The following IL1RAPL1 variants were observed in gnomAD, a reference collection of about 807,000 sequenced individuals.
IL1RAPL1 encodes interleukin-1 receptor accessory protein-like 1.
In IL1RAPL1, 3 loss-of-function variants were observed where a neutral mutation model predicts 48.4. That is an observed-to-expected ratio of 0.06 (90% CI 0.03 to 0.16). The LOEUF (loss-of-function observed/expected upper bound fraction) is 0.16, where lower values mean the gene tolerates loss of function less well. Among genes scored for constraint, IL1RAPL1 ranks in the 10% least tolerant of loss-of-function variants. IL1RAPL1 has a pLI of 1.00. For synonymous variants in IL1RAPL1, 185 were observed against 187.7 expected, an observed-to-expected ratio of 0.99 and a Z score of 0.12; for missense variants, 349 against 530.6, an observed-to-expected ratio of 0.66 and a Z score of 3.36.
At chrX:29,093,086 A>G (rs1234821281) in intron 2 of IL1RAPL1, among the ~76,000 whole-genome samples, 1 of 112,275 alleles carries the variant, frequency 8.9e-6, no homozygotes, top group Non-Finnish European at 1.9e-5. Context: ...AATTTTCATT[A>G]AAATATGACT....
intron 5 of IL1RAPL1, among the ~76,000 whole-genome samples, chrX:29,518,587 A>AAGTGC (rs1935471692): frequency 1.8e-5 from 2 of 111,700 alleles, no homozygotes; most frequent in African/African-American, 6.5e-5. Context: ...AGGTCAATGA[A>AAGTGC]ACCAGCCAGT....
chrX:29,649,903 C>T (rs985780408), intron 5 of IL1RAPL1, among the ~76,000 whole-genome samples: 1 of 111,575 alleles, frequency 9.0e-6, no homozygotes, highest in Non-Finnish European at 1.9e-5. Flanking sequence ...TAAACAAGTT[C>T]AGTAAAGTGG....
intron 6 of IL1RAPL1, among the ~76,000 whole-genome samples, chrX:29,718,849 G>T (rs1927556056): frequency 9.0e-6 from 1 of 111,452 alleles, no homozygotes; most frequent in Non-Finnish European, 1.9e-5. Flanking sequence ...AAAGGCAGAG[G>T]AGGGGAGAAG....
intron 2 of IL1RAPL1, among the ~76,000 whole-genome samples, chrX:29,114,389 G>A (rs1928634709): frequency 8.9e-6 from 1 of 111,976 alleles, no homozygotes; most frequent in Admixed American, 9.5e-5. Flanking sequence ...TAGCTTTCAA[G>A]TTTATGGGCA....
intron 3 of IL1RAPL1, among the ~76,000 whole-genome samples, chrX:29,337,082 A>G (rs1403733099): frequency 9.0e-6 from 1 of 111,304 alleles, no homozygotes; most frequent in Non-Finnish European, 1.9e-5. Flanking sequence ...TCAGCATACA[A>G]AGGTGCCATA....
intron 3 of IL1RAPL1, among the ~76,000 whole-genome samples, chrX:29,309,344 C>A (rs1932672720): frequency 9.0e-6 from 1 of 111,067 alleles, no homozygotes. Flanking sequence ...CAAAATTAGG[C>A]TCCTACCCTC....
At chrX:28,604,759 C>T (rs953619275) in intron 1 of IL1RAPL1, among the ~76,000 whole-genome samples, 36 of 107,127 alleles carry the variant, frequency 3.4e-4, no homozygotes, top group African/African-American at 1.2e-3. Context: ...TTAAGCATAT[C>T]GTGCAGTGCT....
At chrX:28,936,090 C>T (rs1262088270) in intron 2 of IL1RAPL1, among the ~76,000 whole-genome samples, 4 of 111,526 alleles carry the variant, frequency 3.6e-5, no homozygotes, top group Non-Finnish European at 7.5e-5. Flanking sequence ...ACCACTGAGC[C>T]ACAGCCTCTT....
chrX:29,875,059 T>C (rs1023162412), intron 6 of IL1RAPL1, among the ~76,000 whole-genome samples: 1 of 111,941 alleles, frequency 8.9e-6, no homozygotes, highest in Admixed American at 9.5e-5. Flanking sequence ...CATACATATA[T>C]ACACACAGTT....
At position 28,842,292 on chromosome X, in the gene IL1RAPL1, AT is replaced by A. The variant is rs201710134; in HGVS notation, c.82+52868del. On this transcript the variant is annotated intron_variant, in intron 2 of 10. Coordinates refer to ENST00000378993, the MANE Select transcript of IL1RAPL1 (RefSeq NM_014271.4). ...TTACGATATAAATTTCAAAAAAAAA[AT>A]AGTTTTAAAATATGGCTATGTAAAA... 1.2e-4 allele frequency among the ~76,000 whole-genome samples: 13 copies of A among 111,132 alleles called. No homozygotes were observed. The East Asian group carries it at 2.3e-3, about 19-fold the overall frequency.
chrX:29,255,897 C>T (rs1048748595), intron 2 of IL1RAPL1, among the ~76,000 whole-genome samples: 6 of 111,465 alleles, frequency 5.4e-5, no homozygotes, highest in Admixed American at 3.8e-4. Context: ...TCTGCTATCA[C>T]GAACAGTGCT....
chrX:29,284,606 A>T (rs968348690), intron 3 of IL1RAPL1, among the ~76,000 whole-genome samples: 2 of 111,349 alleles, frequency 1.8e-5, no homozygotes, highest in African/African-American at 3.3e-5. Flanking sequence ...TTAGCCGAGG[A>T]TGGTGGCACG....
At chrX:28,689,893 T>G in intron 1 of IL1RAPL1, among the ~76,000 whole-genome samples, 1 of 112,032 alleles carries the variant, frequency 8.9e-6, no homozygotes, top group South Asian at 3.8e-4. Flanking sequence ...AATTAATTTT[T>G]CTGTCAAAAA....
At chrX:29,513,668 T>C (rs747478074) in intron 5 of IL1RAPL1, among the ~76,000 whole-genome samples, 1 of 112,220 alleles carries the variant, frequency 8.9e-6, no homozygotes, top group South Asian at 3.6e-4. Flanking sequence ...TGGAAACTTG[T>C]AGATGCCTGC....
At chrX:29,063,449 C>T (rs1170975989) in intron 2 of IL1RAPL1, among the ~76,000 whole-genome samples, 1 of 111,619 alleles carries the variant, frequency 9.0e-6, no homozygotes, top group Non-Finnish European at 1.9e-5. Flanking sequence ...GCTATCTGAG[C>T]ATACAATAGG....
At chrX:29,620,834 C>T (rs1032568873) in intron 5 of IL1RAPL1, among the ~76,000 whole-genome samples, 4 of 112,340 alleles carry the variant, frequency 3.6e-5, no homozygotes, top group African/African-American at 6.5e-5. Flanking sequence ...GACTTACTTA[C>T]GTCAGTCTTT....
At chrX:28,965,003 T>C (rs1187038803) in intron 2 of IL1RAPL1, among the ~76,000 whole-genome samples, 1 of 111,484 alleles carries the variant, frequency 9.0e-6, no homozygotes, top group East Asian at 2.8e-4. Flanking sequence ...TCTCCACTTG[T>C]GTAGAATTGT....
intron 2 of IL1RAPL1, among the ~76,000 whole-genome samples, chrX:28,831,554 T>C (rs1303845174): frequency 9.1e-6 from 1 of 109,959 alleles, no homozygotes; most frequent in African/African-American, 3.3e-5. Flanking sequence ...CTTTATTGGC[T>C]CCTAGGCTAT....
intron 2 of IL1RAPL1, among the ~76,000 whole-genome samples, chrX:28,990,958 T>C (rs747699560): frequency 9.8e-5 from 11 of 112,094 alleles, no homozygotes; most frequent in Non-Finnish European, 2.1e-4. Context: ...TTTGGAAAAG[T>C]AGATGACTAA....
Sources: gnomAD v4.1 joint callset for allele counts (sites outside exome capture counted in the v4.1 genomes callset) on GRCh38, gnomAD v4.1.1 for gene constraint, MANE v1.5 for transcripts, NCBI Gene and HGNC (gene_info 2026-07-23, HGNC 2026-07-21) for gene names.